TJP1: variants seen among roughly 807,000 people sequenced by gnomAD.
The protein encoded by TJP1 is tight junction protein ZO-1.
A neutral mutation model predicts 194.2 loss-of-function variants in TJP1; 43 were observed. The ratio of observed to expected loss-of-function variants is 0.22; its 90% confidence interval spans 0.17 to 0.29. The LOEUF (loss-of-function observed/expected upper bound fraction) is 0.29, where lower values mean the gene tolerates loss of function less well. TJP1 is among the 10% of genes least tolerant of loss of function. TJP1 has a pLI of 1.00. For missense variants in TJP1, 1,971 were observed against 2,185.7 expected, an observed-to-expected ratio of 0.90 and a Z score of 1.96; for synonymous variants, 801 against 779.0, an observed-to-expected ratio of 1.03 and a Z score of -0.47.
chr15:29,771,999 T>C (rs2046718555), intron 4 of TJP1, 65 bp downstream of exon 4: 2 of 1,016,268 alleles, frequency 2.0e-6, no homozygotes, highest in Admixed American at 2.7e-5. Context: ...TAAATTCAAA[T>C]ACCAGAAATG....
At chr15:29,908,583 C>T (rs570752169) in intron 2 of TJP1, among the ~76,000 whole-genome samples, 1 of 152,294 alleles carries the variant, frequency 6.6e-6, no homozygotes, top group South Asian at 2.1e-4. Flanking sequence ...TATTAAGTGG[C>T]CATCTGTTTT....
At chr15:29,864,811 C>T (rs2152109326) in intron 2 of TJP1, among the ~76,000 whole-genome samples, 1 of 152,140 alleles carries the variant, frequency 6.6e-6, no homozygotes, top group East Asian at 1.9e-4. Flanking sequence ...TTATACTTGG[C>T]ACGCTTTTTT....
intron 2 of TJP1, among the ~76,000 whole-genome samples, chr15:29,935,213 G>A (rs2054844354): frequency 6.6e-6 from 1 of 152,180 alleles, no homozygotes; most frequent in Non-Finnish European, 1.5e-5. Context: ...AGTTCAAACT[G>A]CCTCCACAGA....
At chr15:29,776,497 G>C (rs774696907) in intron 2 of TJP1, among the ~76,000 whole-genome samples, 2 of 152,128 alleles carry the variant, frequency 1.3e-5, no homozygotes, top group Non-Finnish European at 2.9e-5. Context: ...GAAAATTCAT[G>C]TTTGACTTTA....
At chr15:29,863,165 A>G (rs1372090368) in intron 2 of TJP1, among the ~76,000 whole-genome samples, 3 of 151,716 alleles carry the variant, frequency 2.0e-5, no homozygotes, top group Admixed American at 2.0e-4. Context: ...GTGTGGTGGC[A>G]GGCACCTGTA....
intron 12 of TJP1, among the ~76,000 whole-genome samples, chr15:29,733,600 A>G (rs1403513560): frequency 1.3e-5 from 2 of 152,250 alleles, no homozygotes; most frequent in Admixed American, 6.5e-5. Flanking sequence ...CAAACATTAT[A>G]GACATTTCCA....
At chr15:29,759,923 T>C (rs1015194481) in intron 8 of TJP1, 9 of 369,292 alleles carry the variant, frequency 2.4e-5, no homozygotes, top group Non-Finnish European at 4.3e-5. Flanking sequence ...GCAACAAACA[T>C]GAGAGTGCAG....
chr15:29,888,141 A>G (rs1300501716), intron 2 of TJP1, among the ~76,000 whole-genome samples: 1 of 152,196 alleles, frequency 6.6e-6, no homozygotes, highest in Non-Finnish European at 1.5e-5. Context: ...AATGTTAAAG[A>G]AAAAATCAAG....
At chr15:29,811,459 T>A (rs1443052973) in intron 1 of TJP1, among the ~76,000 whole-genome samples, 1 of 151,698 alleles carries the variant, frequency 6.6e-6, no homozygotes, top group African/African-American at 2.4e-5. Flanking sequence ...AGGGAGAATG[T>A]AAATGGTTGA....
In TJP1 at chr15:29,751,876, C is replaced by T. The variant is rs192118487; in HGVS notation, c.1011-9095G>A. Reference sequence around the variant, plus strand: ...TAAATATTGTACTTGTAGAAGAAAACAAATCTCAGCTGATGGAGTAAATAA... The same window carrying T: ...TAAATATTGTACTTGTAGAAGAAAATAAATCTCAGCTGATGGAGTAAATAA... On this transcript the variant is annotated intron_variant, in intron 8 of 27. Coordinates refer to ENST00000614355, the MANE Select transcript of TJP1 (RefSeq NM_001330239.4). 3.0e-3 allele frequency among the ~76,000 whole-genome samples: 461 copies of T among 152,236 alleles called. 3 individuals are homozygous for T. The highest frequency in any genetic ancestry group is 0.011 in the African/African-American group (444 of 41,544).
chr15:29,726,120 C>T (rs1387577053), intron 18 of TJP1, among the ~76,000 whole-genome samples: 5 of 152,180 alleles, frequency 3.3e-5, no homozygotes, highest in Admixed American at 3.3e-4. Flanking sequence ...TCAACCTGCT[C>T]TTCATTATAA....
intron 1 of TJP1, among the ~76,000 whole-genome samples, chr15:29,819,413 T>C (rs958233174): frequency 2.6e-5 from 4 of 152,340 alleles, no homozygotes; most frequent in South Asian, 2.1e-4. Context: ...AATAGTTCAC[T>C]TCATAGGGTT....
intron 1 of TJP1, among the ~76,000 whole-genome samples, chr15:29,819,230 T>C (rs1423150723): frequency 1.3e-5 from 2 of 152,226 alleles, no homozygotes; most frequent in South Asian, 2.1e-4. Flanking sequence ...GAAAACATTT[T>C]TAAAAAATGG....
chr15:29,807,319 C>T (rs2049175682), intron 1 of TJP1, among the ~76,000 whole-genome samples: 1 of 152,154 alleles, frequency 6.6e-6, no homozygotes, highest in Non-Finnish European at 1.5e-5. Context: ...TTAAAAGTTA[C>T]CATTATGTGT....
chr15:29,716,873 T>G, intron 22 of TJP1, 35 bp from the exon 23 acceptor site: 4 of 1,522,894 alleles, frequency 2.6e-6, no homozygotes, highest in Non-Finnish European at 3.6e-6. Context: ...GAACACCTTT[T>G]TAAATATTAA....
At chr15:29,906,573 T>C (rs575108295) in intron 2 of TJP1, among the ~76,000 whole-genome samples, 1 of 151,832 alleles carries the variant, frequency 6.6e-6, no homozygotes, top group East Asian at 1.9e-4. Flanking sequence ...TTTTTTGTTG[T>C]TGTTTTGTTT....
At chr15:29,956,409 A>G (rs2055944636) in intron 1 of TJP1, 2 of 1,263,818 alleles carry the variant, frequency 1.6e-6, no homozygotes, top group Non-Finnish European at 1.0e-6. Flanking sequence ...TTTACAGGTG[A>G]ACACATTTCT....
chr15:29,869,806 T>C (rs1887788114), intron 2 of TJP1, among the ~76,000 whole-genome samples: 1 of 124,336 alleles, frequency 8.0e-6, no homozygotes, highest in Non-Finnish European at 1.7e-5. Context: ...TTTTTTTTTT[T>C]TTTTTTTTTT....
Position 29,956,421 on chromosome 15 carries a change from A to G in TJP1, c.174-57T>C, listed in dbSNP as rs985521355. 8.0e-6 allele frequency: 10 copies of G among 1,246,776 alleles called. No homozygotes were observed. The South Asian group carries it at 1.3e-4, about 17-fold the overall frequency. 77.2% of individuals were successfully genotyped at this position (1,246,776 alleles called of 1,614,324 possible). On this transcript the variant is annotated intron_variant, in intron 1 of 28. Transcript: ENST00000356107. ...AGGTTTACAGGTGAACACATTTCTC[A>G]AGTTTGAGGTAAGCATTTACTCAAA...
Sources: gnomAD v4.1 joint callset for allele counts (sites outside exome capture counted in the v4.1 genomes callset) on GRCh38, gnomAD v4.1.1 for gene constraint, MANE v1.5 for transcripts, NCBI Gene and HGNC (gene_info 2026-07-23, HGNC 2026-07-21) for gene names.